Variants in NME7 observed in about 807,000 individuals in gnomAD.
NME7 encodes the protein nucleoside diphosphate kinase 7.
Under a neutral mutation model 49.1 loss-of-function variants are expected in NME7, and 41 were observed. The ratio of observed to expected loss-of-function variants is 0.83; its 90% CI spans 0.65 to 1.08. NME7 has a LOEUF of 1.08. Ranked by LOEUF, NME7 falls within the 50% of genes least tolerant of loss-of-function variation. NME7 has a pLI of 0.00. For missense variants in NME7, 423 were observed against 463.4 expected (o/e 0.91, Z 0.80); for synonymous variants, 139 against 150.6 (o/e 0.92, Z 0.56).
chr1:169,325,674 T>G (rs1652033802), intron 1 of NME7, among the ~76,000 whole-genome samples: 1 of 152,126 alleles, frequency 6.6e-6, no homozygotes, highest in African/African-American at 2.4e-5. Flanking sequence ...AGGGAAAATT[T>G]GGGGGTTCTT....
chr1:169,194,194 A>G (rs1006942699), intron 10 of NME7, among the ~76,000 whole-genome samples: 2 of 152,232 alleles, frequency 1.3e-5, no homozygotes, highest in Non-Finnish European at 1.5e-5. Context: ...ACAGCTATCA[A>G]AATTTCTCAA....
At chr1:169,327,948 C>T (rs1273879249) in intron 1 of NME7, among the ~76,000 whole-genome samples, 1 of 152,136 alleles carries the variant, frequency 6.6e-6, no homozygotes, top group Non-Finnish European at 1.5e-5. Flanking sequence ...CAAAATTGTA[C>T]CTTGGCCTCA....
At chr1:169,154,866 AT>A (rs1348700555) in intron 11 of NME7, among the ~76,000 whole-genome samples, 1 of 152,082 alleles carries the variant, frequency 6.6e-6, no homozygotes, top group African/African-American at 2.4e-5. Flanking sequence ...ATTTTTAAAA[AT>A]ATTTGTGCCC....
intron 1 of NME7, among the ~76,000 whole-genome samples, chr1:169,325,568 A>G (rs1385101447): frequency 6.6e-6 from 1 of 152,064 alleles, no homozygotes; most frequent in African/African-American, 2.4e-5. Context: ...CCTCGCCCCA[A>G]AGATCTTCAT....
Position 169,282,661 on chromosome 1 carries a change from T to C in NME7, c.754+4642A>G, listed in dbSNP as rs1571353646. ...CTGGTATGATGTATCTTCGTTCTCA[T>C]TGGTTTCAAAGAACATCTTTATTTC... On this transcript the variant is annotated intron_variant, in intron 7 of 11. Coordinates refer to ENST00000367811, the MANE Select transcript of NME7 (RefSeq NM_013330.5). Among the ~76,000 whole-genome samples, 7 of 152,344 alleles carry C rather than the reference T, an allele frequency of 4.6e-5. No homozygotes were observed. In the South Asian group the frequency reaches 1.5e-3, roughly 32 times the overall value.
chr1:169,172,129 T>C (rs1571262597), intron 10 of NME7, among the ~76,000 whole-genome samples: 1 of 152,250 alleles, frequency 6.6e-6, no homozygotes, highest in East Asian at 1.9e-4. Flanking sequence ...TTCCTCAGCC[T>C]TGCATCCATA....
At chr1:169,200,970 T>C (rs1660531587) in intron 10 of NME7, among the ~76,000 whole-genome samples, 1 of 152,096 alleles carries the variant, frequency 6.6e-6, no homozygotes, top group African/African-American at 2.4e-5. Context: ...ATGGCTCACA[T>C]CTGTAATCCC....
Position 169,132,787 on chromosome 1 carries a change from A to G in NME7, c.1129T>C (p.Ter377GlnextTer5), listed in dbSNP as rs760334412. The change falls in exon 12 of 12, where the codon TAG becomes CAG. Residue 377 changes from the stop codon to glutamine (Q), a stop_lost. Transcript: ENST00000367811. ...VQYFFKILDN* is the reference protein window; with the variant it reads ...VQYFFKILDNQ ...TGACTTCTTTACTTTCCACACCACT[A>G]ATTATCCAAGATCTTGAAGAAGTAT... The G allele has an allele frequency of 1.6e-5, 26 of 1,613,036 alleles. No homozygotes were observed. The East Asian group carries it at 3.3e-4, about 21-fold the overall frequency.
In NME7 at chr1:169,207,983, T is replaced by C. The variant is rs566618992; in HGVS notation, c.990+22735A>G. On this transcript the variant is annotated intron_variant, in intron 10 of 11. Transcript: ENST00000367811. ...AAGAATTATGGTCAGGAATTTCTCC[T>C]TATCCTGGTTGTCATCTGTAACTTT... Among the ~76,000 whole-genome samples the C allele has an allele frequency of 2.4e-4, 37 of 152,252 alleles. No individual in the cohort carries two copies. The East Asian group carries it at 3.7e-3, about 15-fold the overall frequency.
intron 7 of NME7, among the ~76,000 whole-genome samples, chr1:169,249,791 C>T (rs11806445): frequency 0.062 from 9,448 of 152,030 alleles, 385 homozygotes; most frequent in East Asian, 0.12. Flanking sequence ...TATTGACTTG[C>T]ATATTTTAAA....
chr1:169,305,725 A>G (rs998341797), intron 4 of NME7, among the ~76,000 whole-genome samples: 7 of 152,162 alleles, frequency 4.6e-5, no homozygotes, highest in Admixed American at 1.3e-4. Flanking sequence ...CACCCTCTAG[A>G]TACACAGTAT....
At chr1:169,252,828 C>T (rs1384209112) in intron 7 of NME7, among the ~76,000 whole-genome samples, 4 of 148,140 alleles carry the variant, frequency 2.7e-5, no homozygotes, top group South Asian at 2.2e-4. Flanking sequence ...AATCCTTTCC[C>T]CATTGCTTGT....
At chr1:169,283,166 C>G (rs543160241) in intron 7 of NME7, among the ~76,000 whole-genome samples, 5 of 152,072 alleles carry the variant, frequency 3.3e-5, no homozygotes, top group Non-Finnish European at 7.4e-5. Context: ...ATAGTCAGTA[C>G]TTCTTGTGCA....
chr1:169,260,252 T>C (rs1649118983), intron 7 of NME7, among the ~76,000 whole-genome samples: 1 of 133,374 alleles, frequency 7.5e-6, no homozygotes, highest in African/African-American at 2.5e-5. Context: ...ACACTGACCA[T>C]GTCCCTTCAA....
At position 169,257,437 on chromosome 1, in the gene NME7, C is replaced by T. The variant is rs1045498700; in HGVS notation, c.755-19750G>A. On this transcript the variant is annotated intron_variant, in intron 7 of 11. Transcript: ENST00000367811. Reference sequence around the variant, plus strand: ...CCTGCTTCGGCTTGCGAACGGTACGCGCACCCACTGACCTGCGCCCACTGT... The same window carrying T: ...CCTGCTTCGGCTTGCGAACGGTACGTGCACCCACTGACCTGCGCCCACTGT... Among the ~76,000 whole-genome samples the T allele has an allele frequency of 9.0e-5, 12 of 133,678 alleles. 1 individual carries two copies. Among genetic ancestry groups the T allele is most frequent in the South Asian group, 4.6e-4 (2 of 4,328 alleles). 87.7% of individuals were successfully genotyped at this position (133,678 alleles called of 152,430 possible). A position where few individuals can be genotyped will look rare whatever the true frequency, so the allele number is the denominator to read the frequency against.
At chr1:169,156,487 T>C (rs1659079069) in intron 11 of NME7, among the ~76,000 whole-genome samples, 2 of 152,232 alleles carry the variant, frequency 1.3e-5, no homozygotes, top group Admixed American at 1.3e-4. Flanking sequence ...TTATTTTATA[T>C]GGATTTTCCA....
chr1:169,353,233 C>T (rs1293950259), intron 1 of NME7, among the ~76,000 whole-genome samples: 2 of 151,782 alleles, frequency 1.3e-5, no homozygotes, highest in African/African-American at 4.8e-5. Context: ...AACCCTGAAA[C>T]AAATCCATAC....
At chr1:169,173,965 G>A (rs1339045104) in intron 10 of NME7, among the ~76,000 whole-genome samples, 1 of 152,174 alleles carries the variant, frequency 6.6e-6, no homozygotes, top group Non-Finnish European at 1.5e-5. Context: ...ATACTTATTT[G>A]TACTTGGAGG....
intron 11 of NME7, among the ~76,000 whole-genome samples, chr1:169,168,063 C>T (rs1659465992): frequency 6.6e-6 from 1 of 152,068 alleles, no homozygotes; most frequent in African/African-American, 2.4e-5. Context: ...TAGAAAACAC[C>T]TAAAACTGGT....
Sources: gnomAD v4.1 joint callset for allele counts (sites outside exome capture counted in the v4.1 genomes callset) on GRCh38, gnomAD v4.1.1 for gene constraint, MANE v1.5 for transcripts, NCBI Gene and HGNC (gene_info 2026-07-23, HGNC 2026-07-21) for gene names.